Variants in TXNL4A observed in about 807,000 individuals in gnomAD.
TXNL4A encodes thioredoxin like 4A.
In TXNL4A, 17 loss-of-function variants were observed where a neutral mutation model predicts 14.6. The ratio of observed to expected loss-of-function variants is 1.16; its 90% CI spans 0.80 to 1.74. The LOEUF (loss-of-function observed/expected upper bound fraction) is 1.74. Ranked by LOEUF, TXNL4A falls within the 40% of genes most tolerant of loss-of-function variation. The pLI, the probability that TXNL4A is intolerant of heterozygous loss-of-function variation, is 0.00. For missense variants in TXNL4A, 74 were observed against 195.2 expected (o/e 0.38, Z 3.70); for synonymous variants, 83 against 70.6 (o/e 1.18, Z -0.88).
intron 1 of TXNL4A, among the ~76,000 whole-genome samples, chr18:80,017,693 T>C (rs1236404686): frequency 1.3e-5 from 2 of 150,362 alleles, no homozygotes; most frequent in African/African-American, 4.8e-5. Flanking sequence ...TGAACCAGCC[T>C]TGCATCCCAG....
intron 1 of TXNL4A, among the ~76,000 whole-genome samples, chr18:80,006,155 G>T (rs1423949253): frequency 6.6e-6 from 1 of 152,100 alleles, no homozygotes; most frequent in East Asian, 1.9e-4. Flanking sequence ...GGAGGCTAAG[G>T]CGGGCGGATC....
chr18:79,988,599 C>T (rs2051596381), upstream of TXNL4A: 4 of 427,596 alleles, frequency 9.4e-6, no homozygotes, highest in Non-Finnish European at 1.1e-5. Flanking sequence ...GTGCTGACGG[C>T]ATGCGCGCGC....
intron 1 of TXNL4A, chr18:79,995,533 T>G (rs1042978797): frequency 3.3e-5 from 5 of 152,154 alleles, no homozygotes; most frequent in African/African-American, 1.2e-4. Context: ...ATGAAAACAA[T>G]AAAAATGCTA....
At chr18:79,994,213 A>G (rs760239504) in intron 1 of TXNL4A, among the ~76,000 whole-genome samples, 18 of 152,174 alleles carry the variant, frequency 1.2e-4, no homozygotes, top group Non-Finnish European at 1.9e-4. Context: ...CTAAGTTACA[A>G]TGGCCTAAAT....
intron 1 of TXNL4A, among the ~76,000 whole-genome samples, chr18:80,002,296 G>A (rs1008458429): frequency 1.3e-4 from 20 of 152,160 alleles, no homozygotes; most frequent in African/African-American, 4.6e-4. Flanking sequence ...ATCTTAATCC[G>A]TTAGGTCCTC....
chr18:80,019,728 G>A (rs1278761280), intron 1 of TXNL4A, among the ~76,000 whole-genome samples: 2 of 152,048 alleles, frequency 1.3e-5, no homozygotes, highest in East Asian at 3.8e-4. Flanking sequence ...GCATACTTTT[G>A]GAATATTTAA....
chr18:79,999,040 C>T (rs3952519), intron 1 of TXNL4A, among the ~76,000 whole-genome samples: 20 of 152,118 alleles, frequency 1.3e-4, no homozygotes, highest in African/African-American at 2.4e-4. Flanking sequence ...GGTCCTCTTC[C>T]CGAAGCCAGA....
chr18:80,022,042 A>T (rs1345231974), intron 1 of TXNL4A, among the ~76,000 whole-genome samples: 1 of 151,198 alleles, frequency 6.6e-6, no homozygotes, highest in Non-Finnish European at 1.5e-5. Context: ...AGCATCTTTT[A>T]AGTTAGATTA....
At chr18:79,983,145 C>T (rs1397003931) in intron 1 of TXNL4A, among the ~76,000 whole-genome samples, 1 of 152,082 alleles carries the variant, frequency 6.6e-6, no homozygotes, top group East Asian at 1.9e-4. Flanking sequence ...GGATTACAAG[C>T]GCCCACCACC....
intron 1 of TXNL4A, among the ~76,000 whole-genome samples, chr18:79,985,533 G>A (rs2145082040): frequency 6.6e-6 from 1 of 152,312 alleles, no homozygotes; most frequent in South Asian, 2.1e-4. Flanking sequence ...GACCACAGGC[G>A]TGAGACACAG....
At chr18:80,030,244 G>T (rs1568384128) in intron 1 of TXNL4A, among the ~76,000 whole-genome samples, 1 of 152,170 alleles carries the variant, frequency 6.6e-6, no homozygotes. Flanking sequence ...TGTACACAAA[G>T]AAATGCCTAT....
intron 1 of TXNL4A, among the ~76,000 whole-genome samples, chr18:80,026,209 C>T (rs538064437): frequency 6.6e-6 from 1 of 152,300 alleles, no homozygotes; most frequent in African/African-American, 2.4e-5. Flanking sequence ...GATTATCCCA[C>T]GCTACGATAA....
chr18:79,994,255 C>A (rs1230069200), intron 1 of TXNL4A, among the ~76,000 whole-genome samples: 1 of 152,130 alleles, frequency 6.6e-6, no homozygotes, highest in African/African-American at 2.4e-5. Flanking sequence ...ATTTAGTGTA[C>A]CCGCGAACCA....
At position 80,011,092 on chromosome 18, in the gene TXNL4A, C is replaced by T. The variant is rs544828365; in HGVS notation, c.-61+22759G>A. Among the ~76,000 whole-genome samples, 6 of 152,156 alleles carry T rather than the reference C, an allele frequency of 3.9e-5. No individual in the cohort carries two copies. Among genetic ancestry groups the T allele is most frequent in the African/African-American group, 1.4e-4 (6 of 41,500 alleles). On this transcript the variant is annotated intron_variant, in intron 1 of 2. Coordinates refer to the TXNL4A transcript ENST00000585474. This position sits in a 1 kb window ranked among gnomAD's most constrained non-coding sequence, Gnocchi z 4.1. ...TCCATGTGTGGTTTTATTTGCATTACCATTTGGTGCTTGTTAGCCCCTCGG... is the reference window on the plus strand; with the variant it reads ...TCCATGTGTGGTTTTATTTGCATTATCATTTGGTGCTTGTTAGCCCCTCGG...
At chr18:80,003,615 T>C (rs1311556873) in intron 1 of TXNL4A, among the ~76,000 whole-genome samples, 1 of 152,240 alleles carries the variant, frequency 6.6e-6, no homozygotes, top group Non-Finnish European at 1.5e-5. Context: ...CAGTGATTTC[T>C]AGGGCAGCAG....
At chr18:80,004,651 C>T (rs555005574) in intron 1 of TXNL4A, among the ~76,000 whole-genome samples, 1 of 152,330 alleles carries the variant, frequency 6.6e-6, no homozygotes, top group South Asian at 2.1e-4. Flanking sequence ...TGGAACTCCT[C>T]TGTGTACACA....
At position 79,973,844 on chromosome 18, in the gene TXNL4A, G is replaced by A. The variant is rs1456427698; in HGVS notation, c.270C>T (p.Ile90=). The change falls in exon 3 of 3, where the codon ATC becomes ATT. Residue 90 remains isoleucine, a synonymous_variant. Coordinates refer to ENST00000269601, the MANE Select transcript of TXNL4A (RefSeq NM_006701.5). ...TVMFFFRNKH[I]MIDLGTGNNN... Reference sequence around the variant, plus strand: ...TGTTGCCAGTCCCCAAGTCAATCATGATGTGCTTGTTCCTGCAACGAGAAA... The same window carrying A: ...TGTTGCCAGTCCCCAAGTCAATCATAATGTGCTTGTTCCTGCAACGAGAAA... The A allele has an allele frequency of 1.2e-6, 2 of 1,613,970 alleles. No homozygotes were observed. The highest frequency in any genetic ancestry group is 4.5e-5 in the East Asian group (2 of 44,870).
intron 1 of TXNL4A, among the ~76,000 whole-genome samples, chr18:80,007,706 C>G (rs114353734): frequency 6.6e-6 from 1 of 152,074 alleles, no homozygotes; most frequent in African/African-American, 2.4e-5. Context: ...ATGAGAGGGC[C>G]TCTCTCTTCC....
rs929063867 is a variant in TXNL4A, at chr18:79,973,858, T to C, written c.258-2A>G. On this transcript the variant is annotated splice_acceptor_variant, in intron 2 of 2. Coordinates refer to ENST00000269601, the MANE Select transcript of TXNL4A (RefSeq NM_006701.5). LOFTEE classifies it high-confidence loss of function. Reference sequence around the variant, plus strand: ...AAGTCAATCATGATGTGCTTGTTCCTGCAACGAGAAACAAGGGCATCCATT... The same window carrying C: ...AAGTCAATCATGATGTGCTTGTTCCCGCAACGAGAAACAAGGGCATCCATT... The C allele has an allele frequency of 6.8e-6, 11 of 1,612,610 alleles. No individual in the cohort carries two copies. The highest frequency in any genetic ancestry group is 8.5e-6 in the Non-Finnish European group (10 of 1,179,524).
Sources: allele counts gnomAD v4.1 joint callset (sites outside exome capture counted in the v4.1 genomes callset), GRCh38; gene constraint gnomAD v4.1.1; non-coding constraint Gnocchi (gnomAD v3.1); transcripts MANE v1.5; gene names NCBI Gene and HGNC (gene_info 2026-07-23, HGNC 2026-07-21).